SNTB1: variants seen among roughly 807,000 people sequenced by gnomAD.
The protein encoded by SNTB1 is syntrophin beta 1.
Under a neutral mutation model 48.9 loss-of-function variants are expected in SNTB1, and 36 were observed. The observed-to-expected ratio is 0.74, with a 90% CI of 0.56 to 0.97. SNTB1 has a LOEUF of 0.97. Among genes scored for constraint, SNTB1 ranks in the 50% least tolerant of loss-of-function variants. The pLI is 0.00. For missense variants in SNTB1, 786 were observed against 703.4 expected (o/e 1.12, Z -1.33); for synonymous variants, 299 against 294.6 (o/e 1.01, Z -0.15).
At chr8:120,676,960 A>G (rs1002213089) in intron 2 of SNTB1, among the ~76,000 whole-genome samples, 4 of 151,402 alleles carry the variant, frequency 2.6e-5, no homozygotes, top group Non-Finnish European at 4.4e-5. Flanking sequence ...GCTACTCAGG[A>G]GGCTGAAGTG....
chr8:120,541,721 C>T, intron 6 of SNTB1, 89 bp downstream of exon 6: 2 of 944,980 alleles, frequency 2.1e-6, no homozygotes, highest in Non-Finnish European at 3.0e-6. Flanking sequence ...CATTAGCAGT[C>T]AAATGCCGAA....
At chr8:120,658,415 A>C (rs898641047) in intron 2 of SNTB1, among the ~76,000 whole-genome samples, 4 of 152,202 alleles carry the variant, frequency 2.6e-5, no homozygotes, top group African/African-American at 9.7e-5. Context: ...TAGTTAGTAC[A>C]GGAGAACTAG....
intron 4 of SNTB1, among the ~76,000 whole-genome samples, chr8:120,550,318 G>T (rs759058851): frequency 4.6e-5 from 7 of 151,986 alleles, no homozygotes; most frequent in Non-Finnish European, 7.4e-5. Context: ...AAGGCGGGCA[G>T]ATCACCTGAG....
At chr8:120,700,156 C>CATGTGTGT in intron 1 of SNTB1, among the ~76,000 whole-genome samples, 1 of 149,276 alleles carries the variant, frequency 6.7e-6, no homozygotes, top group Non-Finnish European at 1.5e-5. Context: ...AAAAAAATTG[C>CATGTGTGT]GTGTGTGTGT....
At chr8:120,775,754 G>T (rs370792530) in intron 1 of SNTB1, among the ~76,000 whole-genome samples, 1 of 133,484 alleles carries the variant, frequency 7.5e-6, no homozygotes, top group Non-Finnish European at 1.6e-5. Flanking sequence ...AAGGAAGGAA[G>T]GAAAGAAGGA....
At chr8:120,673,215 A>G (rs1817783690) in intron 2 of SNTB1, among the ~76,000 whole-genome samples, 2 of 151,974 alleles carry the variant, frequency 1.3e-5, no homozygotes, top group African/African-American at 4.8e-5. Flanking sequence ...CCTGCATTCA[A>G]TTCTCTGCTA....
intron 6 of SNTB1, 143 bp downstream of exon 6, chr8:120,541,667 A>C (rs1815290937): frequency 2.0e-6 from 1 of 507,618 alleles, no homozygotes; most frequent in Non-Finnish European, 3.3e-6. Flanking sequence ...GAACCTAATC[A>C]CCGTTTTTCA....
chr8:120,671,280 C>T (rs1817753663), intron 2 of SNTB1, among the ~76,000 whole-genome samples: 1 of 152,162 alleles, frequency 6.6e-6, no homozygotes, highest in South Asian at 2.1e-4. Context: ...TTCATTTCTA[C>T]CCAGAACCTC....
In SNTB1 at chr8:120,672,839, T is replaced by G. The variant is rs1169304614; in HGVS notation, c.788+20853A>C. 5.3e-5 allele frequency among the ~76,000 whole-genome samples: 8 copies of G among 152,328 alleles called. No individual in the cohort carries two copies. The South Asian group carries it at 1.5e-3, about 28-fold the overall frequency. On this transcript the variant is annotated intron_variant, in intron 2 of 6. Transcript: ENST00000517992. Reference sequence around the variant, plus strand: ...TTCCTTGCACTTTTCCTGAGTTTGGTCAGTTATCACAGGGGGATGATTCCC... The same window carrying G: ...TTCCTTGCACTTTTCCTGAGTTTGGGCAGTTATCACAGGGGGATGATTCCC...
chr8:120,647,810 T>G (rs1200537786), intron 2 of SNTB1, among the ~76,000 whole-genome samples: 2 of 28,518 alleles, frequency 7.0e-5, no homozygotes, highest in Admixed American at 8.2e-4. Flanking sequence ...TAAGTCTCTT[T>G]GTAGGTCACT....
chr8:120,679,127 GC>G (rs1250143556), intron 2 of SNTB1, among the ~76,000 whole-genome samples: 1 of 152,130 alleles, frequency 6.6e-6, no homozygotes, highest in Non-Finnish European at 1.5e-5. Flanking sequence ...TCCCGAGACA[GC>G]CCCTTCCTCT....
At chr8:120,635,242 A>C (rs1275040161) in intron 2 of SNTB1, among the ~76,000 whole-genome samples, 1 of 152,188 alleles carries the variant, frequency 6.6e-6, no homozygotes, top group African/African-American at 2.4e-5. Flanking sequence ...GAGAGTTTCC[A>C]TTCTCTCCCT....
At chr8:120,779,167 T>G (rs1819788933) in intron 1 of SNTB1, among the ~76,000 whole-genome samples, 1 of 152,148 alleles carries the variant, frequency 6.6e-6, no homozygotes, top group Non-Finnish European at 1.5e-5. Context: ...AGCAGGCAAA[T>G]GACATGATCA....
Position 120,583,514 on chromosome 8 carries a change from A to AACAC in SNTB1, c.997-8293_997-8290dup, listed in dbSNP as rs10524445. On this transcript the variant is annotated intron_variant, in intron 3 of 6. Coordinates refer to ENST00000517992, the MANE Select transcript of SNTB1 (RefSeq NM_021021.4). ...GTGAAAGAGGGAAACTCCGTCTCAA[A>AACAC]ACACACACACACACACACACACACA... Among the ~76,000 whole-genome samples, 1,201 of 143,116 alleles carry AACAC rather than the reference A, an allele frequency of 8.4e-3. 9 individuals are homozygous for AACAC. Among genetic ancestry groups the AACAC allele is most frequent in the African/African-American group, 0.021 (785 of 37,016 alleles). The allele number at this position is 143,116 out of a possible 152,430, so 93.9% of individuals were successfully genotyped here.
At chr8:120,592,674 G>A (rs1563826187) in intron 3 of SNTB1, among the ~76,000 whole-genome samples, 1 of 152,104 alleles carries the variant, frequency 6.6e-6, no homozygotes, top group Non-Finnish European at 1.5e-5. Context: ...TTTTAGGCTG[G>A]CAGAGAGGAC....
chr8:120,774,261 G>GC (rs1197669665), intron 1 of SNTB1, among the ~76,000 whole-genome samples: 1 of 152,206 alleles, frequency 6.6e-6, no homozygotes, highest in Non-Finnish European at 1.5e-5. Flanking sequence ...GAGAAAAGAT[G>GC]CAGAGGCATT....
chr8:120,662,915 G>C (rs1563845077), intron 2 of SNTB1, among the ~76,000 whole-genome samples: 1 of 151,362 alleles, frequency 6.6e-6, no homozygotes, highest in Non-Finnish European at 1.5e-5. Context: ...TTTCCTGCTA[G>C]GCAGCCTGCT....
intron 4 of SNTB1, among the ~76,000 whole-genome samples, chr8:120,553,811 A>C (rs912177016): frequency 6.6e-6 from 1 of 152,190 alleles, no homozygotes; most frequent in Admixed American, 6.5e-5. Flanking sequence ...CAGCCTGACT[A>C]ATATGGTGAA....
At chr8:120,584,438 C>CAAAAAAAA (rs11443743) in intron 3 of SNTB1, among the ~76,000 whole-genome samples, 10 of 57,064 alleles carry the variant, frequency 1.8e-4, no homozygotes, top group African/African-American at 3.3e-4. Context: ...AACTCCATCT[C>CAAAAAAAA]AAAAAAAAAA....
Sources: gnomAD v4.1 joint callset for allele counts (sites outside exome capture counted in the v4.1 genomes callset) on GRCh38, gnomAD v4.1.1 for gene constraint, MANE v1.5 for transcripts, NCBI Gene and HGNC (gene_info 2026-07-23, HGNC 2026-07-21) for gene names.